Variants in RBMS1 observed in about 807,000 individuals in gnomAD.
The protein encoded by RBMS1 is RNA-binding motif, single-stranded-interacting protein 1.
In RBMS1, 17 loss-of-function variants were observed where a neutral mutation model predicts 62.3. The ratio of observed to expected loss-of-function variants is 0.27; its 90% CI spans 0.19 to 0.41. The LOEUF (loss-of-function observed/expected upper bound fraction) is 0.41. Among genes scored for constraint, RBMS1 ranks in the 10% least tolerant of loss-of-function variants. The probability of loss-of-function intolerance (pLI) is 1.00; values close to 1 mark genes in which losing one functional copy is unlikely to be tolerated. For synonymous variants in RBMS1, 172 were observed against 170.0 expected (o/e 1.01, Z -0.09); for missense variants, 334 against 504.5 (o/e 0.66, Z 3.24).
intron 2 of RBMS1, among the ~76,000 whole-genome samples, chr2:160,329,337 C>T (rs574546396): frequency 5.3e-5 from 8 of 152,256 alleles, no homozygotes; most frequent in Admixed American, 5.2e-4. Flanking sequence ...GCAGAGTTGA[C>T]GTTTCTAAAC....
intron 2 of RBMS1, among the ~76,000 whole-genome samples, chr2:160,329,739 G>A (rs890728451): frequency 1.3e-4 from 19 of 151,772 alleles, no homozygotes; most frequent in Middle Eastern, 3.4e-3. Flanking sequence ...CTTGTAGTTG[G>A]CAAGTGTAGG....
At chr2:160,392,653 G>A (rs1694927840) in intron 1 of RBMS1, among the ~76,000 whole-genome samples, 1 of 152,158 alleles carries the variant, frequency 6.6e-6, no homozygotes, top group South Asian at 2.1e-4. Context: ...ACTTTGGGAA[G>A]TCAAGGTGGG....
chr2:160,486,194 G>A (rs1042191171), intron 1 of RBMS1, among the ~76,000 whole-genome samples: 1 of 152,006 alleles, frequency 6.6e-6, no homozygotes, highest in Non-Finnish European at 1.5e-5. Context: ...TATTTAACAG[G>A]GGAAATAGTA....
intron 1 of RBMS1, among the ~76,000 whole-genome samples, chr2:160,485,672 C>T (rs1685571005): frequency 6.6e-6 from 1 of 151,348 alleles, no homozygotes; most frequent in African/African-American, 2.4e-5. Context: ...TCACATAGAG[C>T]ATGAGAAAAA....
chr2:160,341,156 C>T lies in RBMS1; in HGVS notation c.252-22929G>A, dbSNP rs75262651. Among the ~76,000 whole-genome samples the T allele has an allele frequency of 6.4e-3, 980 of 152,136 alleles. 4 individuals carry two copies. The highest frequency in any genetic ancestry group is 0.01 in the Non-Finnish European group (708 of 67,986). ...GATGTTGGCTCTGTAAGTATTAAAT[C>T]CTTTTTACTTAATCATATAATGAAA... On this transcript the variant is annotated intron_variant, in intron 2 of 13. Coordinates refer to ENST00000348849, the MANE Select transcript of RBMS1 (RefSeq NM_016836.4).
At chr2:160,443,248 A>C (rs931835838) in intron 1 of RBMS1, among the ~76,000 whole-genome samples, 5 of 151,682 alleles carry the variant, frequency 3.3e-5, no homozygotes, top group African/African-American at 1.2e-4. Context: ...TGACTTACAC[A>C]GAAAGAGAGC....
rs116152924 is a variant in RBMS1 at position 160,388,234 on chromosome 2, A to G, written c.76-20843T>C. Among the ~76,000 whole-genome samples the G allele has an allele frequency of 4.7e-3, 720 of 152,336 alleles. 2 individuals are homozygous for G. Among genetic ancestry groups the G allele is most frequent in the African/African-American group, 0.016 (676 of 41,578 alleles). The stretch of plus-strand genomic sequence containing the variant: ...GAAGACAGTTCATTTCTCATCACTG[A>G]AAGGTTCAAACACACAGAGCAACCG... On this transcript the variant is annotated intron_variant, in intron 1 of 13. Coordinates refer to ENST00000348849, the MANE Select transcript of RBMS1 (RefSeq NM_016836.4).
At chr2:160,293,701 T>C (rs1206433168) in intron 6 of RBMS1, among the ~76,000 whole-genome samples, 3 of 152,080 alleles carry the variant, frequency 2.0e-5, no homozygotes, top group Non-Finnish European at 4.4e-5. Context: ...GGGAGAGGTG[T>C]TTGTGCAGGG....
chr2:160,281,270 T>A (rs377254809), intron 10 of RBMS1, 44 bp downstream of exon 10: 5 of 1,511,378 alleles, frequency 3.3e-6, no homozygotes, highest in Non-Finnish European at 3.6e-6. Flanking sequence ...AATATACACA[T>A]AACTTACTTG....
At chr2:160,339,501 A>T (rs895947900) in intron 2 of RBMS1, among the ~76,000 whole-genome samples, 1 of 152,176 alleles carries the variant, frequency 6.6e-6, no homozygotes, top group African/African-American at 2.4e-5. Context: ...GTGATCTAAA[A>T]GTTCTGGGAA....
chr2:160,375,546 T>C (rs930285488), intron 1 of RBMS1, among the ~76,000 whole-genome samples: 1 of 152,220 alleles, frequency 6.6e-6, no homozygotes, highest in African/African-American at 2.4e-5. Flanking sequence ...CTTAGCAGCC[T>C]GCCATCTTTG....
At chr2:160,288,040 G>C (rs1688493610) in intron 6 of RBMS1, among the ~76,000 whole-genome samples, 1 of 106,414 alleles carries the variant, frequency 9.4e-6, no homozygotes, top group Admixed American at 1.2e-4. Context: ...ATACTCATTA[G>C]AGTTAAAAAA....
intron 2 of RBMS1, among the ~76,000 whole-genome samples, chr2:160,341,450 CTGATTACTTGGTACCACTGTCAA>C (rs1244995158): frequency 6.6e-6 from 1 of 152,098 alleles, no homozygotes; most frequent in Non-Finnish European, 1.5e-5. Flanking sequence ...GACACTGAAG[CTGATTACTTGGTACCACTGTCAA>C]TGACAGAAAG....
At chr2:160,404,405 T>A (rs1348257947) in intron 1 of RBMS1, among the ~76,000 whole-genome samples, 1 of 152,150 alleles carries the variant, frequency 6.6e-6, no homozygotes, top group Non-Finnish European at 1.5e-5. Flanking sequence ...ACCCTCCGTA[T>A]AAAGAGGTTC....
chr2:160,419,328 T>G (rs1482213000), intron 1 of RBMS1, among the ~76,000 whole-genome samples: 1 of 152,160 alleles, frequency 6.6e-6, no homozygotes, highest in African/African-American at 2.4e-5. Context: ...TTTCCTCCCT[T>G]TCTATGCCTG....
intron 1 of RBMS1, among the ~76,000 whole-genome samples, chr2:160,446,621 C>T (rs753733468): frequency 1.3e-5 from 2 of 152,112 alleles, no homozygotes; most frequent in South Asian, 4.1e-4. Context: ...CTTTGGAAAC[C>T]GTGTATGTGA....
At chr2:160,434,445 AAAAC>A (rs976456180) in intron 1 of RBMS1, among the ~76,000 whole-genome samples, 1 of 152,252 alleles carries the variant, frequency 6.6e-6, no homozygotes. Context: ...TTGCTCACCC[AAAAC>A]AAACAAACAT....
At position 160,272,476 on chromosome 2, in the gene RBMS1, T is replaced by G. The variant is rs1271966717; in HGVS notation, c.*2296A>C. ...GGCTGTCTACTATGTGATGTTTAAC[T>G]GATTTTTTTTTTTTTATGTACAGAG... On this transcript the variant is annotated 3_prime_UTR_variant, in exon 14 of 14. Transcript: ENST00000348849. 1 of 152,048 alleles carries G rather than the reference T, an allele frequency of 6.6e-6. No individual in the cohort carries two copies. Among genetic ancestry groups the G allele is most frequent in the Non-Finnish European group, 1.5e-5 (1 of 68,030 alleles). 9.4% of individuals were successfully genotyped at this position (152,048 alleles called of 1,614,324 possible).
intron 1 of RBMS1, among the ~76,000 whole-genome samples, chr2:160,376,790 C>T (rs1382358931): frequency 1.3e-5 from 2 of 151,708 alleles, no homozygotes; most frequent in East Asian, 1.9e-4. Context: ...AGCATGCCAT[C>T]GCGTCTGGCT....
Sources: allele counts gnomAD v4.1 joint callset (sites outside exome capture counted in the v4.1 genomes callset), GRCh38; gene constraint gnomAD v4.1.1; transcripts MANE v1.5; gene names NCBI Gene and HGNC (gene_info 2026-07-23, HGNC 2026-07-21).